GPHN: variants seen among roughly 807,000 people sequenced by gnomAD.
GPHN encodes gephyrin.
In GPHN, 17 loss-of-function variants were observed where a neutral mutation model predicts 95.5. The ratio of observed to expected loss-of-function variants is 0.18; its 90% CI spans 0.12 to 0.27. The LOEUF (loss-of-function observed/expected upper bound fraction) is 0.27. Ranked by LOEUF, GPHN falls within the 10% of genes least tolerant of loss-of-function variation. The probability of loss-of-function intolerance (pLI) is 1.00; values close to 1 mark genes in which losing one functional copy is unlikely to be tolerated. For synonymous variants in GPHN, 320 were observed against 322.5 expected, an observed-to-expected ratio of 0.99 and a Z score of 0.08; for missense variants, 660 against 978.1, an observed-to-expected ratio of 0.67 and a Z score of 4.34.
the GPHN span, among the ~76,000 whole-genome samples, chr14:67,609,829 A>G: frequency 6.6e-6 from 1 of 152,182 alleles, no homozygotes; most frequent in African/African-American, 2.4e-5. Context: ...GGCTGGCACT[A>G]AAGGGACTGG....
At chr14:67,479,309 G>A in the GPHN span, among the ~76,000 whole-genome samples, 3 of 151,950 alleles carry the variant, frequency 2.0e-5, no homozygotes, top group East Asian at 5.8e-4. Context: ...GGGAGGCTGA[G>A]GCAGAAGAAT....
chr14:67,439,270 T>C, the GPHN span, among the ~76,000 whole-genome samples: 1 of 152,204 alleles, frequency 6.6e-6, no homozygotes, highest in African/African-American at 2.4e-5. Flanking sequence ...ATGTAAGGTG[T>C]TTAGAATAGT....
chr14:67,497,979 G>A, the GPHN span, among the ~76,000 whole-genome samples: 1 of 151,966 alleles, frequency 6.6e-6, no homozygotes, highest in Admixed American at 6.6e-5. Context: ...AATACCTCAA[G>A]GTCTCTCTGA....
chr14:67,329,775 A>C, the GPHN span, among the ~76,000 whole-genome samples: 1 of 152,034 alleles, frequency 6.6e-6, no homozygotes, highest in Non-Finnish European at 1.5e-5. Flanking sequence ...CTGGCTACTG[A>C]AGAGGCCGAG....
chr14:67,630,126 T>C, the GPHN span, among the ~76,000 whole-genome samples: 1 of 152,296 alleles, frequency 6.6e-6, no homozygotes, highest in Admixed American at 6.5e-5. Flanking sequence ...ATCCCCCACA[T>C]CAGTTGTATT....
intron 1 of GPHN, among the ~76,000 whole-genome samples, chr14:66,551,492 A>T (rs1430474718): frequency 6.6e-6 from 1 of 152,118 alleles, no homozygotes; most frequent in Non-Finnish European, 1.5e-5. Flanking sequence ...ACTGCCTCCT[A>T]TATCTAAGTC....
intron 16 of GPHN, among the ~76,000 whole-genome samples, chr14:67,120,422 A>G (rs2078955840): frequency 6.6e-6 from 1 of 152,230 alleles, no homozygotes; most frequent in South Asian, 2.1e-4. Flanking sequence ...AATACACTGT[A>G]AATCCCACAC....
At chr14:66,702,467 A>C (rs2068646215) in intron 2 of GPHN, among the ~76,000 whole-genome samples, 1 of 152,202 alleles carries the variant, frequency 6.6e-6, no homozygotes, top group African/African-American at 2.4e-5. Flanking sequence ...GCTGTTCTCC[A>C]GCCTCCTTGA....
At chr14:67,300,994 A>G in the GPHN span, among the ~76,000 whole-genome samples, 5 of 152,256 alleles carry the variant, frequency 3.3e-5, no homozygotes, top group South Asian at 1.0e-3. Flanking sequence ...ACCCAGCCTG[A>G]CTATAACTCT....
the GPHN span, chr14:67,647,900 G>A: frequency 2.6e-6 from 2 of 767,964 alleles, no homozygotes; most frequent in East Asian, 2.7e-5. Context: ...AGAATAGGAA[G>A]CCTGGAAATG....
chr14:67,701,822 A>C, the GPHN span: 1 of 152,112 alleles, frequency 6.6e-6, no homozygotes, highest in Non-Finnish European at 1.5e-5. Context: ...TAGGAAAATA[A>C]TTTACCATGT....
chr14:66,807,283 T>C (rs2060583399), intron 3 of GPHN, among the ~76,000 whole-genome samples: 1 of 152,186 alleles, frequency 6.6e-6, no homozygotes, highest in Non-Finnish European at 1.5e-5. Context: ...CATGGGGGAA[T>C]TCAAGATGAG....
chr14:66,976,422 C>T (rs556621532), intron 9 of GPHN, among the ~76,000 whole-genome samples: 2 of 152,132 alleles, frequency 1.3e-5, no homozygotes, highest in Non-Finnish European at 2.9e-5. Context: ...ATTATTTCAG[C>T]AACAAAATTT....
At chr14:66,778,669 TAAATTC>T (rs1296231771) in intron 3 of GPHN, among the ~76,000 whole-genome samples, 3 of 147,226 alleles carry the variant, frequency 2.0e-5, no homozygotes, top group Admixed American at 1.4e-4. Flanking sequence ...AATCTTTCAA[TAAATTC>T]AAATTCAATT....
At chr14:66,965,880 C>CT (rs11369620) in intron 9 of GPHN, among the ~76,000 whole-genome samples, 46,914 of 150,816 alleles carry the variant, frequency 0.31, 10,985 homozygotes, top group African/African-American at 0.64. Flanking sequence ...GTTTCTTAGT[C>CT]TTTTTTTTTA....
chr14:66,815,651 T>G (rs902421334), intron 3 of GPHN, among the ~76,000 whole-genome samples: 2 of 152,054 alleles, frequency 1.3e-5, no homozygotes, highest in Admixed American at 1.3e-4. Context: ...TTACAAGAGC[T>G]CCTGAAGGAA....
intron 5 of GPHN, 29 bp downstream of exon 5, chr14:66,880,062 C>A: frequency 7.5e-7 from 1 of 1,335,706 alleles, no homozygotes. Flanking sequence ...TGTTGCAAAC[C>A]ATTTGCTAGG....
At chr14:67,144,256 T>TGTATATATATATATATATATAC (rs2080731454) in intron 18 of GPHN, among the ~76,000 whole-genome samples, 1 of 84,178 alleles carries the variant, frequency 1.2e-5, no homozygotes, top group African/African-American at 5.9e-5. Flanking sequence ...AAAAAATATA[T>TGTATATATATATATATATATAC]ATATATATAT....
chr14:66,511,085 T>C (rs2058025293), intron 1 of GPHN, among the ~76,000 whole-genome samples: 2 of 152,140 alleles, frequency 1.3e-5, no homozygotes, highest in Non-Finnish European at 2.9e-5. Flanking sequence ...GATACAGATA[T>C]TGTCTACTAT....
Sources: gnomAD v4.1 joint callset for allele counts (sites outside exome capture counted in the v4.1 genomes callset) on GRCh38, gnomAD v4.1.1 for gene constraint, MANE v1.5 for transcripts, NCBI Gene and HGNC (gene_info 2026-07-23, HGNC 2026-07-21) for gene names.